SLCO2B1: variants seen among roughly 807,000 people sequenced by gnomAD.
The protein encoded by SLCO2B1 is solute carrier organic anion transporter family member 2B1.
SLCO2B1 carries 41 observed loss-of-function variants against 67.3 expected under a neutral mutation model. The observed-to-expected ratio is 0.61, with a 90% CI of 0.47 to 0.79. SLCO2B1 has a LOEUF of 0.79. Ranked by LOEUF, SLCO2B1 falls within the 30% of genes least tolerant of loss-of-function variation. The pLI is 0.00. For synonymous variants in SLCO2B1, 379 were observed against 381.4 expected, an observed-to-expected ratio of 0.99 and a Z score of 0.07; for missense variants, 837 against 920.1, an observed-to-expected ratio of 0.91 and a Z score of 1.17.
rs1314283576 is a variant in SLCO2B1 at position 75,200,362 on chromosome 11, A to G, written c.1738A>G (p.Thr580Ala). 4.4e-6 allele frequency: 7 copies of G among 1,609,158 alleles called. No homozygotes were observed. Among genetic ancestry groups the G allele is most frequent in the Non-Finnish European group, 5.9e-6 (7 of 1,177,572 alleles). Residue 580 changes from threonine (T) to alanine (A), a missense_variant, in exon 11 of 14, where the codon ACA becomes GCA. By Grantham distance (58) the Thr-to-Ala change is moderately conservative. Coordinates refer to ENST00000289575, the MANE Select transcript of SLCO2B1 (RefSeq NM_007256.5). ...LGSALACLTHTPSFMLILRGV... is the reference protein window; with the variant it reads ...LGSALACLTHAPSFMLILRGV... Reference sequence around the variant, plus strand: ...CTCGGCCCTGGCCTGTCTCACCCACACACCCTCCTTCATGCTCATCCTAAG... The same window carrying G: ...CTCGGCCCTGGCCTGTCTCACCCACGCACCCTCCTTCATGCTCATCCTAAG...
chr11:75,181,160 G>A (rs1006988092), intron 7 of SLCO2B1, among the ~76,000 whole-genome samples: 10 of 152,224 alleles, frequency 6.6e-5, no homozygotes, highest in Admixed American at 2.0e-4. Context: ...CCTAAGGTTA[G>A]AAGCTCGAGA....
At position 75,203,116 on chromosome 11, in the gene SLCO2B1, G is replaced by A. The variant is rs569773081; in HGVS notation, c.1828+151G>A. ...TGACAGACCTGGCCCAGCTCTCCTA[G>A]AGCGGGGTATAGAGGCAGAGTCTAG... On this transcript the variant is annotated intron_variant, in intron 12 of 13. Coordinates refer to ENST00000289575, the MANE Select transcript of SLCO2B1 (RefSeq NM_007256.5). 1.5e-3 allele frequency: 1,760 copies of A among 1,140,404 alleles called. 27 individuals are homozygous for A. The South Asian group carries it at 0.02, about 13-fold the overall frequency. The allele number at this position is 1,140,404 out of a possible 1,614,324, so 70.6% of individuals were successfully genotyped here.
intron 7 of SLCO2B1, among the ~76,000 whole-genome samples, chr11:75,181,794 A>AC (rs901287234): frequency 1.3e-5 from 2 of 152,180 alleles, no homozygotes. Context: ...AGGGCTGCTG[A>AC]CCCAGGCAAA....
intron 1 of SLCO2B1, among the ~76,000 whole-genome samples, chr11:75,157,942 C>T (rs905506461): frequency 3.9e-5 from 6 of 152,118 alleles, no homozygotes; most frequent in South Asian, 2.1e-4. Flanking sequence ...TGAGCCACTG[C>T]GCCTGGCCCA....
chr11:75,196,859 G>A (rs1236485440), intron 10 of SLCO2B1, among the ~76,000 whole-genome samples, 180 bp downstream of exon 10: 1 of 152,246 alleles, frequency 6.6e-6, no homozygotes, highest in East Asian at 1.9e-4. Context: ...GCCAGGAGCA[G>A]TGGCTTATGC....
chr11:75,190,089 G>A (rs1944996271), intron 8 of SLCO2B1, among the ~76,000 whole-genome samples: 1 of 152,210 alleles, frequency 6.6e-6, no homozygotes, highest in African/African-American at 2.4e-5. Context: ...CAGCGGCCGG[G>A]ACTCCCTAGC....
At chr11:75,190,688 C>T (rs545990212) in intron 8 of SLCO2B1, among the ~76,000 whole-genome samples, 18 of 152,254 alleles carry the variant, frequency 1.2e-4, no homozygotes, top group Middle Eastern at 3.4e-3. Flanking sequence ...AGACATTGCC[C>T]TTGAGTTAAG....
intron 4 of SLCO2B1, among the ~76,000 whole-genome samples, chr11:75,167,010 G>A (rs1269526971): frequency 1.3e-5 from 2 of 152,324 alleles, no homozygotes; most frequent in South Asian, 2.1e-4. Flanking sequence ...CAGGGTTGGC[G>A]TGAGCACGGG....
At chr11:75,195,503 G>C (rs1945085941) in intron 9 of SLCO2B1, among the ~76,000 whole-genome samples, 1 of 151,448 alleles carries the variant, frequency 6.6e-6, no homozygotes, top group East Asian at 2.0e-4. Flanking sequence ...CCCAGGGAGG[G>C]AGAGGAGCTC....
At chr11:75,186,269 T>C (rs1023096158) in intron 7 of SLCO2B1, among the ~76,000 whole-genome samples, 7 of 151,074 alleles carry the variant, frequency 4.6e-5, no homozygotes, top group Non-Finnish European at 1.5e-5. Context: ...AGTGCAGTGG[T>C]ACGATCTCAG....
intron 7 of SLCO2B1, among the ~76,000 whole-genome samples, chr11:75,176,589 T>C (rs373064188): frequency 3.9e-5 from 6 of 152,350 alleles, no homozygotes; most frequent in African/African-American, 1.4e-4. Flanking sequence ...GCTGCAATTT[T>C]GGCTAAGAGT....
intron 7 of SLCO2B1, among the ~76,000 whole-genome samples, chr11:75,173,856 G>T (rs912310656): frequency 5.3e-5 from 8 of 152,126 alleles, no homozygotes; most frequent in African/African-American, 1.7e-4. Context: ...TTACCCTATT[G>T]CCCAGGCTAG....
Position 75,151,275 on chromosome 11 carries a change from C to A in SLCO2B1, c.-107C>A. On this transcript the variant is annotated 5_prime_UTR_variant, in exon 1 of 14. In the 5' UTR this introduces an upstream ATG that the reference lacks. Transcript: ENST00000289575. ...TTATTGCATCCCTGCTGTGGCTCAC[C>A]TGCTGCTGTCTCCAGGAGCCCCTGA... 3 of 992,586 alleles carry A rather than the reference C, an allele frequency of 3.0e-6. No homozygotes were observed. Among genetic ancestry groups the A allele is most frequent in the African/African-American group, 1.6e-5 (1 of 62,492 alleles). The allele number at this position is 992,586 out of a possible 1,614,324, so 61.5% of individuals were successfully genotyped here.
At chr11:75,192,395 T>A (rs1398202171) in intron 8 of SLCO2B1, among the ~76,000 whole-genome samples, 1 of 151,476 alleles carries the variant, frequency 6.6e-6, no homozygotes, top group Non-Finnish European at 1.5e-5. Flanking sequence ...GCTAGATGAG[T>A]GAGAGGTATA....
At chr11:75,172,822 A>G (rs111667511) in intron 7 of SLCO2B1, among the ~76,000 whole-genome samples, 217 of 152,134 alleles carry the variant, frequency 1.4e-3, no homozygotes, top group African/African-American at 5.0e-3. Flanking sequence ...CCAGCTACTC[A>G]GGAGGCTGAG....
At chr11:75,184,760 C>G (rs1950129748) in intron 7 of SLCO2B1, among the ~76,000 whole-genome samples, 1 of 152,140 alleles carries the variant, frequency 6.6e-6, no homozygotes, top group African/African-American at 2.4e-5. Flanking sequence ...GCTCATGGAA[C>G]CCACAGACTG....
rs78561597 is a variant in SLCO2B1 at position 75,206,252 on chromosome 11, T to C, written c.*1672T>C. On this transcript the variant is annotated 3_prime_UTR_variant, in exon 14 of 14. Transcript: ENST00000289575. ...GCTTATTATTAAATTTGTTCTTGCA[T>C]AATGTCTCTTCTATTACAAAAATTC... 1.5e-3 allele frequency: 222 copies of C among 152,380 alleles called. 2 individuals are homozygous for C. Among genetic ancestry groups the C allele is most frequent in the African/African-American group, 5.2e-3 (216 of 41,592 alleles). The allele number at this position is 152,380 out of a possible 1,614,324, so 9.4% of individuals were successfully genotyped here.
chr11:75,166,920 C>T (rs1013883879), intron 4 of SLCO2B1, among the ~76,000 whole-genome samples: 3 of 152,214 alleles, frequency 2.0e-5, no homozygotes, highest in Non-Finnish European at 2.9e-5. Flanking sequence ...CCAGCTCACA[C>T]CTCTGAAGTC....
chr11:75,164,102 T>C lies in SLCO2B1; in HGVS notation c.285+2T>C. Reference sequence around the variant, plus strand: ...GGGCTGCTGGCCTCCTTCAACGAGGTACAGGCCCCACCCAGCCACAGGGGT... The same window carrying C: ...GGGCTGCTGGCCTCCTTCAACGAGGCACAGGCCCCACCCAGCCACAGGGGT... On this transcript the variant is annotated splice_donor_variant, in intron 3 of 13. Transcript: ENST00000289575. LOFTEE classifies it high-confidence loss of function. The C allele has an allele frequency of 6.2e-7, 1 of 1,606,358 alleles. No individual in the cohort carries two copies.
Sources: allele counts gnomAD v4.1 joint callset (sites outside exome capture counted in the v4.1 genomes callset), GRCh38; gene constraint gnomAD v4.1.1; transcripts MANE v1.5; gene names NCBI Gene and HGNC (gene_info 2026-07-23, HGNC 2026-07-21).